Variants in ANO4 observed in about 807,000 individuals in gnomAD.
The protein encoded by ANO4 is anoctamin-4.
Under a neutral mutation model 141.9 loss-of-function variants are expected in ANO4, and 69 were observed. That is an observed-to-expected ratio of 0.49 (90% CI 0.40 to 0.59). The LOEUF (loss-of-function observed/expected upper bound fraction) is 0.59, where lower values mean the gene tolerates loss of function less well. Ranked by LOEUF, ANO4 falls within the 20% of genes least tolerant of loss-of-function variation. The probability of loss-of-function intolerance (pLI) is 0.00; values close to 1 mark genes in which losing one functional copy is unlikely to be tolerated. For synonymous variants in ANO4, 350 were observed against 394.3 expected (o/e 0.89, Z 1.33); for missense variants, 894 against 1,162.2 (o/e 0.77, Z 3.36).
At chr12:101,062,533 C>T (rs1218210662) in intron 14 of ANO4, among the ~76,000 whole-genome samples, 1 of 152,218 alleles carries the variant, frequency 6.6e-6, no homozygotes, top group African/African-American at 2.4e-5. Context: ...GGAGTTTTAT[C>T]TATAAGCCCC....
chr12:101,117,182 G>T (rs1427885686), intron 25 of ANO4, among the ~76,000 whole-genome samples: 1 of 152,210 alleles, frequency 6.6e-6, no homozygotes, highest in Admixed American at 6.5e-5. Flanking sequence ...CTCTTGCCCA[G>T]AGTATATCAC....
At chr12:101,056,046 G>A (rs140692358) in intron 14 of ANO4, among the ~76,000 whole-genome samples, 2 of 152,142 alleles carry the variant, frequency 1.3e-5, no homozygotes, top group South Asian at 4.1e-4. Flanking sequence ...ATAATCCACT[G>A]TCTTGATTAT....
At chr12:100,752,903 A>G (rs1333384393) in intron 3 of ANO4, among the ~76,000 whole-genome samples, 1 of 152,226 alleles carries the variant, frequency 6.6e-6, no homozygotes, top group Non-Finnish European at 1.5e-5. Context: ...TCGTTTATCT[A>G]GAATCAGCTG....
Position 101,048,447 on chromosome 12 carries a change from T to C in ANO4, c.1312+46T>C, listed in dbSNP as rs760440654. The C allele has an allele frequency of 9.2e-6, 14 of 1,523,394 alleles. No individual in the cohort carries two copies. In the Admixed American group the frequency reaches 2.2e-4, roughly 24 times the overall value. 94.4% of individuals were successfully genotyped at this position (1,523,394 alleles called of 1,614,324 possible). A position where few individuals can be genotyped will look rare whatever the true frequency, so the allele number is the denominator to read the frequency against. Reference sequence around the variant, plus strand: ...AAACTTGAGTTTTCCTCATATGCCCTATGATATATTCCTTTAGAAGTTTCA... The same window carrying C: ...AAACTTGAGTTTTCCTCATATGCCCCATGATATATTCCTTTAGAAGTTTCA... On this transcript the variant is annotated intron_variant, in intron 14 of 27. Transcript: ENST00000392977.
At chr12:101,001,909 A>C (rs1209501647) in intron 8 of ANO4, among the ~76,000 whole-genome samples, 2 of 152,036 alleles carry the variant, frequency 1.3e-5, no homozygotes, top group African/African-American at 2.4e-5. Flanking sequence ...GAAAAACCTG[A>C]TTCTTCTCAC....
chr12:101,104,181 T>G (rs2050318368), intron 22 of ANO4, among the ~76,000 whole-genome samples: 1 of 152,004 alleles, frequency 6.6e-6, no homozygotes, highest in Non-Finnish European at 1.5e-5. Context: ...AAACTAACTT[T>G]GGTCTTTGTT....
In ANO4 at chr12:100,987,610, T is replaced by G; in HGVS notation, c.674T>G (p.Leu225Arg). ...CCAATGAGGCTGGACAAGGAGACACTGCCAGACCTGGAGGAGAATGACTGC... is the reference window on the plus strand; with the variant it reads ...CCAATGAGGCTGGACAAGGAGACACGGCCAGACCTGGAGGAGAATGACTGC... ...KKPMRLDKET[L>R]PDLEENDCYT... The change falls in exon 8 of 28, where the codon CTG (leucine) becomes CGG (arginine). Residue 225 changes from leucine (L) to arginine (R), a missense_variant. Leu to Arg is a moderately radical substitution (Grantham distance 102). This residue lies in a region of ANO4 where 637 missense variants were observed against 909.2 expected (regional missense o/e 0.70). Coordinates refer to ENST00000392977, the MANE Select transcript of ANO4 (RefSeq NM_001286615.2). 1 of 1,614,100 alleles carries G rather than the reference T, an allele frequency of 6.2e-7. No homozygotes were observed.
chr12:100,969,037 C>T (rs1380464762), intron 5 of ANO4, among the ~76,000 whole-genome samples: 2 of 152,142 alleles, frequency 1.3e-5, no homozygotes, highest in Non-Finnish European at 2.9e-5. Flanking sequence ...CTGGTTTGTC[C>T]ACTCCCTGGA....
At chr12:100,975,107 G>C (rs980875397) in intron 7 of ANO4, among the ~76,000 whole-genome samples, 1 of 152,016 alleles carries the variant, frequency 6.6e-6, no homozygotes, top group Non-Finnish European at 1.5e-5. Context: ...TTCCCACTTG[G>C]GGGGATTGCC....
intron 14 of ANO4, among the ~76,000 whole-genome samples, chr12:101,049,350 C>G (rs937501159): frequency 2.0e-5 from 3 of 152,138 alleles, no homozygotes; most frequent in Non-Finnish European, 4.4e-5. Context: ...TCTGCTCCAG[C>G]CAAAAGATGT....
chr12:100,764,847 C>T (rs1305468374), intron 3 of ANO4, among the ~76,000 whole-genome samples: 1 of 152,096 alleles, frequency 6.6e-6, no homozygotes, highest in African/African-American at 2.4e-5. Context: ...TTTAAATGTT[C>T]TGTTTAATTC....
At chr12:100,895,770 C>T (rs986786233) in intron 1 of ANO4, among the ~76,000 whole-genome samples, 6 of 152,072 alleles carry the variant, frequency 3.9e-5, no homozygotes, top group South Asian at 2.1e-4. Context: ...CCATGTTGGC[C>T]AGGCTGGCCT....
intron 5 of ANO4, among the ~76,000 whole-genome samples, chr12:100,946,546 C>G (rs1215128783): frequency 6.6e-6 from 1 of 152,148 alleles, no homozygotes; most frequent in Non-Finnish European, 1.5e-5. Flanking sequence ...GACTATTTGT[C>G]TGACACATGG....
At chr12:100,755,070 G>C (rs192532933) in intron 3 of ANO4, among the ~76,000 whole-genome samples, 19 of 152,270 alleles carry the variant, frequency 1.2e-4, no homozygotes, top group South Asian at 8.3e-4. Flanking sequence ...AAATAAATGT[G>C]TGTCCTTCTA....
At chr12:101,016,491 A>G (rs1176442357) in intron 8 of ANO4, among the ~76,000 whole-genome samples, 1 of 152,068 alleles carries the variant, frequency 6.6e-6, no homozygotes, top group Non-Finnish European at 1.5e-5. Flanking sequence ...ACCAGACCCC[A>G]CCTCTAACAC....
intron 14 of ANO4, among the ~76,000 whole-genome samples, chr12:101,056,776 G>C (rs1043590123): frequency 6.6e-6 from 1 of 151,472 alleles, no homozygotes; most frequent in Non-Finnish European, 1.5e-5. Context: ...TAGGAACTGA[G>C]GGTTTTAAAA....
chr12:100,806,701 T>C (rs952454629), intron 1 of ANO4, among the ~76,000 whole-genome samples: 1 of 151,664 alleles, frequency 6.6e-6, no homozygotes, highest in South Asian at 2.1e-4. Flanking sequence ...CCCACCACCA[T>C]GCCCAGCTAA....
chr12:100,727,049 G>T (rs1434836033), intron 1 of ANO4, among the ~76,000 whole-genome samples: 4 of 143,636 alleles, frequency 2.8e-5, no homozygotes, highest in African/African-American at 1.0e-4. Context: ...TAATGATATT[G>T]ATTTATTTTT....
intron 1 of ANO4, among the ~76,000 whole-genome samples, chr12:100,855,562 G>A (rs755447232): frequency 1.3e-5 from 2 of 152,154 alleles, no homozygotes; most frequent in Non-Finnish European, 2.9e-5. Context: ...TTGAATTGGT[G>A]TACTCTATCA....
Sources: gnomAD v4.1 joint callset for allele counts (sites outside exome capture counted in the v4.1 genomes callset) on GRCh38, gnomAD v4.1.1 for gene constraint, gnomAD v4.1.1 regional missense constraint, MANE v1.5 for transcripts, NCBI Gene and HGNC (gene_info 2026-07-23, HGNC 2026-07-21) for gene names.